Variants in FARS2 observed in about 807,000 individuals in gnomAD.
FARS2 encodes phenylalanine--tRNA ligase, mitochondrial.
A neutral mutation model predicts 46.4 loss-of-function variants in FARS2; 40 were observed. The observed-to-expected ratio is 0.86, with a 90% confidence interval of 0.67 to 1.12. FARS2 has a LOEUF of 1.12. Ranked by LOEUF, FARS2 falls within the 50% of genes most tolerant of loss-of-function variation. The pLI is 0.00. For missense variants in FARS2, 513 were observed against 567.9 expected (o/e 0.90, Z 0.98); for synonymous variants, 234 against 214.9 (o/e 1.09, Z -0.78).
intron 3 of FARS2, among the ~76,000 whole-genome samples, chr6:5,417,597 T>C (rs1762313396): frequency 6.6e-6 from 1 of 152,224 alleles, no homozygotes. Flanking sequence ...AGAAATCTGC[T>C]CTTAACTTTG....
chr6:5,655,470 C>T (rs1777565061), intron 6 of FARS2, among the ~76,000 whole-genome samples: 1 of 152,114 alleles, frequency 6.6e-6, no homozygotes, highest in Admixed American at 6.5e-5. Flanking sequence ...TGCCTGAAAT[C>T]AGTTTCACTG....
intron 4 of FARS2, among the ~76,000 whole-genome samples, chr6:5,489,357 G>A (rs1454519645): frequency 1.3e-5 from 2 of 152,164 alleles, no homozygotes; most frequent in Non-Finnish European, 2.9e-5. Context: ...GGGAGGCTGA[G>A]GAACTGGAAT....
chr6:5,434,246 G>T (rs1763392977), intron 4 of FARS2, among the ~76,000 whole-genome samples: 1 of 152,026 alleles, frequency 6.6e-6, no homozygotes, highest in Admixed American at 6.5e-5. Context: ...TGAGTAGCTG[G>T]GATTACATGC....
At chr6:5,387,304 G>C (rs1047223770) in intron 2 of FARS2, among the ~76,000 whole-genome samples, 5 of 152,182 alleles carry the variant, frequency 3.3e-5, no homozygotes, top group Non-Finnish European at 5.9e-5. Context: ...AGTAACACCT[G>C]CCGCCTGACC....
chr6:5,522,641 A>G (rs1310852780), intron 4 of FARS2, among the ~76,000 whole-genome samples: 1 of 152,064 alleles, frequency 6.6e-6, no homozygotes, highest in Non-Finnish European at 1.5e-5. Context: ...TTCCTCCTCC[A>G]TCTGTTTTCT....
At chr6:5,448,295 A>G (rs948523515) in intron 4 of FARS2, among the ~76,000 whole-genome samples, 14 of 152,176 alleles carry the variant, frequency 9.2e-5, no homozygotes, top group Non-Finnish European at 2.1e-4. Context: ...TATTGTATAC[A>G]ATTATTTTAT....
chr6:5,438,180 A>G (rs1018362300), intron 4 of FARS2, among the ~76,000 whole-genome samples: 1 of 151,302 alleles, frequency 6.6e-6, no homozygotes, highest in South Asian at 2.1e-4. Flanking sequence ...TTTTTTAAAA[A>G]AATTATTAAC....
At chr6:5,271,372 A>G (rs1323333138) in intron 1 of FARS2, among the ~76,000 whole-genome samples, 1 of 152,088 alleles carries the variant, frequency 6.6e-6, no homozygotes, top group Non-Finnish European at 1.5e-5. Flanking sequence ...CTGAACCAAT[A>G]ACTGTGACCA....
chr6:5,438,246 G>GCC (rs111391099), intron 4 of FARS2, among the ~76,000 whole-genome samples: 1,433 of 35,414 alleles, frequency 0.04, 23 homozygotes, highest in East Asian at 0.24. Context: ...CCCACCCCCC[G>GCC]CCCCCCCCCC....
In FARS2 at chr6:5,469,303, C is replaced by G. The variant is rs540384059; in HGVS notation, c.904+38131C>G. Among the ~76,000 whole-genome samples, 109 of 152,352 alleles carry G rather than the reference C, an allele frequency of 7.2e-4. 1 individual carries two copies. The highest frequency in any genetic ancestry group is 2.5e-3 in the African/African-American group (106 of 41,580). The stretch of plus-strand genomic sequence containing the variant: ...GTTGCTGCACTGCCTTGACCCCACT[C>G]GGTTCTCACTACCTCACAGCAGAAC... On this transcript the variant is annotated intron_variant, in intron 4 of 6. Coordinates refer to ENST00000274680, the MANE Select transcript of FARS2 (RefSeq NM_006567.5).
chr6:5,587,284 T>C (rs952286370), intron 5 of FARS2, among the ~76,000 whole-genome samples: 7 of 152,248 alleles, frequency 4.6e-5, no homozygotes, highest in African/African-American at 1.7e-4. Context: ...TATCTTGCTA[T>C]GTTTGAAGTG....
chr6:5,692,473 C>G (rs1757810641), intron 6 of FARS2, among the ~76,000 whole-genome samples: 1 of 152,162 alleles, frequency 6.6e-6, no homozygotes, highest in Non-Finnish European at 1.5e-5. Flanking sequence ...TCCATCAAAA[C>G]ATTGGCTAAG....
chr6:5,340,920 G>C (rs1487308629), intron 1 of FARS2, among the ~76,000 whole-genome samples: 6 of 151,784 alleles, frequency 4.0e-5, no homozygotes, highest in Non-Finnish European at 8.8e-5. Flanking sequence ...GGCCGAGGCG[G>C]GCGGATCACA....
chr6:5,675,771 A>C (rs1380528114), intron 6 of FARS2, among the ~76,000 whole-genome samples: 1 of 152,224 alleles, frequency 6.6e-6, no homozygotes, highest in Non-Finnish European at 1.5e-5. Flanking sequence ...AACCTGGACA[A>C]TTCATAATAA....
intron 3 of FARS2, among the ~76,000 whole-genome samples, chr6:5,410,374 C>A (rs1424181173): frequency 6.6e-6 from 1 of 151,962 alleles, no homozygotes; most frequent in East Asian, 1.9e-4. Context: ...GTTGTCCACA[C>A]TGGTCTCGAA....
intron 6 of FARS2, among the ~76,000 whole-genome samples, chr6:5,718,053 A>G (rs541890422): frequency 2.0e-5 from 3 of 152,028 alleles, no homozygotes; most frequent in South Asian, 4.2e-4. Context: ...TAATGGGATT[A>G]CAGGCGTGTG....
intron 6 of FARS2, among the ~76,000 whole-genome samples, chr6:5,676,006 T>A (rs948971758): frequency 6.6e-6 from 1 of 152,124 alleles, no homozygotes; most frequent in African/African-American, 2.4e-5. Flanking sequence ...TTTTACTGAA[T>A]GAAGGAAGCA....
intron 4 of FARS2, among the ~76,000 whole-genome samples, chr6:5,505,799 A>C (rs1354960782): frequency 1.3e-5 from 2 of 152,180 alleles, no homozygotes; most frequent in Non-Finnish European, 2.9e-5. Context: ...CAGAATGAAA[A>C]CAGTATGTTT....
chr6:5,386,991 G>A (rs1760175383), intron 2 of FARS2, among the ~76,000 whole-genome samples: 1 of 152,130 alleles, frequency 6.6e-6, no homozygotes, highest in African/African-American at 2.4e-5. Flanking sequence ...CTGAAAACGA[G>A]TCCCTTGGCG....
Sources: gnomAD v4.1 joint callset for allele counts (sites outside exome capture counted in the v4.1 genomes callset) on GRCh38, gnomAD v4.1.1 for gene constraint, MANE v1.5 for transcripts, NCBI Gene and HGNC (gene_info 2026-07-23, HGNC 2026-07-21) for gene names.